The following SGCG variants were observed in gnomAD, a reference collection of about 807,000 sequenced individuals.
The protein encoded by SGCG is gamma-sarcoglycan.
SGCG carries 26 observed loss-of-function variants against 29.3 expected under a neutral mutation model. That is an observed-to-expected ratio of 0.89 (90% CI 0.65 to 1.23). The LOEUF is 1.23. SGCG is among the 50% of genes most tolerant of loss of function. The pLI is 0.00. For synonymous variants in SGCG, 145 were observed against 129.7 expected, an observed-to-expected ratio of 1.12 and a Z score of -0.80; for missense variants, 353 against 356.0, an observed-to-expected ratio of 0.99 and a Z score of 0.07.
chr13:23,305,263 A>G (rs1473129181), intron 6 of SGCG, among the ~76,000 whole-genome samples: 7 of 152,158 alleles, frequency 4.6e-5, no homozygotes, highest in African/African-American at 9.7e-5. Context: ...AGTTTTCTTC[A>G]TATGTGTTTT....
intron 6 of SGCG, among the ~76,000 whole-genome samples, chr13:23,303,214 A>G (rs1882236271): frequency 6.6e-6 from 1 of 152,188 alleles, no homozygotes; most frequent in Admixed American, 6.5e-5. Flanking sequence ...TGGGAGAAGG[A>G]GATTGTTAAA....
At chr13:23,294,032 CT>C (rs943280778) in intron 5 of SGCG, among the ~76,000 whole-genome samples, 2 of 152,160 alleles carry the variant, frequency 1.3e-5, no homozygotes, top group African/African-American at 4.8e-5. Flanking sequence ...AATGGCTTGC[CT>C]TCTACAAAGC....
At chr13:23,249,976 T>A (rs535879483) in intron 3 of SGCG, among the ~76,000 whole-genome samples, 1 of 152,224 alleles carries the variant, frequency 6.6e-6, no homozygotes, top group Non-Finnish European at 1.5e-5. Flanking sequence ...TCAGACTGCA[T>A]GTGCTTTTTC....
At chr13:23,299,279 TG>T (rs1882026042) in intron 6 of SGCG, among the ~76,000 whole-genome samples, 1 of 130,652 alleles carries the variant, frequency 7.7e-6, no homozygotes, top group African/African-American at 2.8e-5. Context: ...ACTGATTATA[TG>T]ATGGTCATAT....
At chr13:23,320,031 T>C (rs35841011) in intron 6 of SGCG, among the ~76,000 whole-genome samples, 1 of 152,088 alleles carries the variant, frequency 6.6e-6, no homozygotes, top group Non-Finnish European at 1.5e-5. Flanking sequence ...CCATTTGCCC[T>C]GTAATGTTTT....
chr13:23,204,860 T>C (rs747381382), intron 2 of SGCG, among the ~76,000 whole-genome samples: 1 of 151,960 alleles, frequency 6.6e-6, no homozygotes. Context: ...TCTATTATTC[T>C]TCTTCTTCAC....
chr13:23,314,506 CCTGA>C (rs140635930), intron 6 of SGCG, among the ~76,000 whole-genome samples: 28,263 of 147,338 alleles, frequency 0.19, 3,253 homozygotes, highest in Non-Finnish European at 0.25. Flanking sequence ...TCTAGGGAAC[CCTGA>C]CTAATACAGA....
intron 4 of SGCG, among the ~76,000 whole-genome samples, chr13:23,261,986 C>T (rs893769537): frequency 6.6e-6 from 1 of 151,816 alleles, no homozygotes; most frequent in South Asian, 2.1e-4. Context: ...CTAGACTAAC[C>T]CTAAAAGAAA....
chr13:23,239,721 T>C (rs11839115), intron 3 of SGCG, among the ~76,000 whole-genome samples: 3,120 of 152,296 alleles, frequency 0.02, 93 homozygotes, highest in African/African-American at 0.072. Flanking sequence ...GGTACTGCTA[T>C]AATGTTCTCA....
chr13:23,315,604 C>T (rs1882776038), intron 6 of SGCG, among the ~76,000 whole-genome samples: 1 of 152,190 alleles, frequency 6.6e-6, no homozygotes, highest in African/African-American at 2.4e-5. Context: ...ACTACAGCCC[C>T]TTTCTAGGAC....
At chr13:23,238,559 C>A (rs2137550198) in intron 3 of SGCG, among the ~76,000 whole-genome samples, 1 of 152,122 alleles carries the variant, frequency 6.6e-6, no homozygotes, top group East Asian at 1.9e-4. Context: ...AGAAGTGGTA[C>A]AAGATCAACA....
chr13:23,237,023 A>C (rs1282465380), intron 3 of SGCG, among the ~76,000 whole-genome samples: 1 of 152,210 alleles, frequency 6.6e-6, no homozygotes, highest in Non-Finnish European at 1.5e-5. Flanking sequence ...AATTTTCCAT[A>C]AAATTACAGA....
At chr13:23,322,480 C>T (rs1883070880) in intron 7 of SGCG, among the ~76,000 whole-genome samples, 1 of 152,194 alleles carries the variant, frequency 6.6e-6, no homozygotes, top group Non-Finnish European at 1.5e-5. Context: ...ATGGGCCAGG[C>T]GCTCCGATGT....
rs551807408 is a variant in SGCG at position 23,212,939 on chromosome 13, T to C, written c.195+9050T>C. ...ATTCTTTCCCATATTATCTCCTTTGTAATGTTTTTTGCTGACAGTGTTGAT... is the reference window on the plus strand; with the variant it reads ...ATTCTTTCCCATATTATCTCCTTTGCAATGTTTTTTGCTGACAGTGTTGAT... On this transcript the variant is annotated intron_variant, in intron 2 of 7. Transcript: ENST00000218867. Among the ~76,000 whole-genome samples the C allele has an allele frequency of 3.3e-5, 5 of 152,302 alleles. No homozygotes were observed. In the East Asian group the frequency reaches 9.6e-4, roughly 29 times the overall value.
intron 4 of SGCG, among the ~76,000 whole-genome samples, chr13:23,264,785 T>A (rs561809060): frequency 3.3e-5 from 5 of 152,286 alleles, no homozygotes; most frequent in African/African-American, 9.6e-5. Context: ...TACTTACAAC[T>A]AATTGATCTT....
chr13:23,194,715 T>C (rs148155143), intron 1 of SGCG, among the ~76,000 whole-genome samples: 56 of 152,312 alleles, frequency 3.7e-4, no homozygotes, highest in Middle Eastern at 3.4e-3. Flanking sequence ...CATACCCTGA[T>C]TGGTCAGCAT....
the SGCG span, among the ~76,000 whole-genome samples, chr13:23,171,892 C>T: frequency 1.3e-5 from 2 of 152,144 alleles, no homozygotes; most frequent in African/African-American, 4.8e-5. Context: ...CGGTTCATGG[C>T]CTGGGGGTTG....
chr13:23,238,202 T>TGGTC (rs1365896300), intron 3 of SGCG, among the ~76,000 whole-genome samples: 3 of 152,078 alleles, frequency 2.0e-5, no homozygotes, highest in Non-Finnish European at 4.4e-5. Flanking sequence ...CAGACACAGG[T>TGGTC]GGTCTCCCTG....
intron 1 of SGCG, among the ~76,000 whole-genome samples, chr13:23,183,001 A>C (rs1876804959): frequency 6.6e-6 from 1 of 152,196 alleles, no homozygotes; most frequent in African/African-American, 2.4e-5. Context: ...CTGTTTTTAA[A>C]ATGCTCAATT....
Sources: gnomAD v4.1 joint callset for allele counts (sites outside exome capture counted in the v4.1 genomes callset) on GRCh38, gnomAD v4.1.1 for gene constraint, MANE v1.5 for transcripts, NCBI Gene and HGNC (gene_info 2026-07-23, HGNC 2026-07-21) for gene names.